DOK6: variants seen among roughly 807,000 people sequenced by gnomAD.
DOK6 encodes docking protein 6, also known as downstream of tyrosine kinase 6.
DOK6 carries 22 observed loss-of-function variants against 44.0 expected under a neutral mutation model. That is an observed-to-expected ratio of 0.50 (90% CI 0.36 to 0.71). The LOEUF (loss-of-function observed/expected upper bound fraction) is 0.71, where lower values mean the gene tolerates loss of function less well. Among genes scored for constraint, DOK6 ranks in the 30% least tolerant of loss-of-function variants. The probability of loss-of-function intolerance (pLI) is 0.00; values close to 1 mark genes in which losing one functional copy is unlikely to be tolerated. For missense variants in DOK6, 340 were observed against 416.4 expected (o/e 0.82, Z 1.60); for synonymous variants, 166 against 145.5 (o/e 1.14, Z -1.01).
At chr18:69,470,751 G>A (rs565541654) in intron 1 of DOK6, among the ~76,000 whole-genome samples, 89 of 152,268 alleles carry the variant, frequency 5.8e-4, no homozygotes, top group African/African-American at 2.1e-3. Flanking sequence ...AGAAAGTTGT[G>A]TGGAAAAGAT....
chr18:69,575,644 T>C (rs1468033992), intron 2 of DOK6, among the ~76,000 whole-genome samples: 1 of 152,028 alleles, frequency 6.6e-6, no homozygotes, highest in Non-Finnish European at 1.5e-5. Context: ...CTTAAATGAG[T>C]AGCTGTTAGT....
At chr18:69,774,334 A>G (rs1210931430) in intron 7 of DOK6, among the ~76,000 whole-genome samples, 2 of 151,166 alleles carry the variant, frequency 1.3e-5, no homozygotes, top group African/African-American at 2.4e-5. Flanking sequence ...GAATGACACA[A>G]TGGACTTTGG....
chr18:69,535,130 G>A (rs1982086313), intron 1 of DOK6, among the ~76,000 whole-genome samples: 2 of 152,034 alleles, frequency 1.3e-5, no homozygotes, highest in African/African-American at 4.8e-5. Flanking sequence ...GGTTAAAATT[G>A]CATTTATAGA....
rs73970239 is a variant in DOK6, at chr18:69,721,020, T to C, written c.600-17945T>C. 3.8e-3 allele frequency among the ~76,000 whole-genome samples: 574 copies of C among 152,338 alleles called. 2 individuals carry two copies. The highest frequency in any genetic ancestry group is 0.013 in the African/African-American group (525 of 41,586). ...GACTTTATCATTTTTATTATTAATG[T>C]TGTTTGTGTTCACTAACATAAAGCT... On this transcript the variant is annotated intron_variant, in intron 5 of 7. Coordinates refer to ENST00000382713, the MANE Select transcript of DOK6 (RefSeq NM_152721.6).
intron 1 of DOK6, among the ~76,000 whole-genome samples, chr18:69,495,538 G>T (rs1207911354): frequency 6.6e-6 from 1 of 152,138 alleles, no homozygotes; most frequent in East Asian, 1.9e-4. Context: ...GCTTCTATAG[G>T]CATTCAAAGG....
chr18:69,563,750 A>G (rs9962000), intron 1 of DOK6, among the ~76,000 whole-genome samples: 3,317 of 152,004 alleles, frequency 0.022, 100 homozygotes, highest in African/African-American at 0.069. Context: ...ATGTATACAT[A>G]TGTAACAAAC....
intron 1 of DOK6, among the ~76,000 whole-genome samples, chr18:69,505,491 CTTTTTTTTTTTTTTT>C: frequency 1.1e-5 from 1 of 88,560 alleles, no homozygotes; most frequent in African/African-American, 4.5e-5. Flanking sequence ...TACTCCCATT[CTTTTTTTTTTTTTTT>C]TTTTTTTTTG....
At chr18:69,801,169 A>G (rs1221043771) in intron 7 of DOK6, among the ~76,000 whole-genome samples, 1 of 151,912 alleles carries the variant, frequency 6.6e-6, no homozygotes, top group Non-Finnish European at 1.5e-5. Context: ...CTACTTTTTA[A>G]TCAGCCTTTT....
intron 1 of DOK6, among the ~76,000 whole-genome samples, chr18:69,551,623 G>T (rs1051487935): frequency 1.3e-5 from 2 of 151,982 alleles, no homozygotes; most frequent in Non-Finnish European, 2.9e-5. Flanking sequence ...CAATAAAAAA[G>T]GTAAAACACA....
intron 1 of DOK6, among the ~76,000 whole-genome samples, chr18:69,443,074 G>A (rs568988805): frequency 3.3e-5 from 5 of 152,058 alleles, no homozygotes; most frequent in African/African-American, 9.6e-5. Flanking sequence ...ATACGAATAC[G>A]CCTGTTTACC....
intron 6 of DOK6, among the ~76,000 whole-genome samples, chr18:69,740,974 G>A (rs1049882715): frequency 6.6e-6 from 1 of 152,142 alleles, no homozygotes; most frequent in African/African-American, 2.4e-5. Flanking sequence ...TATGTTTCTC[G>A]TGTCCTGTGC....
chr18:69,473,270 A>C (rs1003224119), intron 1 of DOK6, among the ~76,000 whole-genome samples: 47 of 152,212 alleles, frequency 3.1e-4, no homozygotes, highest in African/African-American at 9.2e-4. Context: ...CCAATGAATA[A>C]TTTTTGAAAA....
chr18:69,476,561 G>T (rs1163218456), intron 1 of DOK6, among the ~76,000 whole-genome samples: 2 of 151,598 alleles, frequency 1.3e-5, no homozygotes, highest in African/African-American at 2.4e-5. Flanking sequence ...TTAATAGACA[G>T]GTTAGGGAAA....
At chr18:69,839,514 G>A (rs1219950807) in intron 7 of DOK6, among the ~76,000 whole-genome samples, 1 of 152,080 alleles carries the variant, frequency 6.6e-6, no homozygotes, top group Non-Finnish European at 1.5e-5. Context: ...CCCCTCCTCT[G>A]CCCTGCTTCA....
At chr18:69,837,698 G>A (rs1982093123) in intron 7 of DOK6, among the ~76,000 whole-genome samples, 1 of 151,936 alleles carries the variant, frequency 6.6e-6, no homozygotes. Context: ...AAATACCTTG[G>A]GAAACTATAT....
chr18:69,826,531 A>G (rs1208786801), intron 7 of DOK6, among the ~76,000 whole-genome samples: 12 of 152,184 alleles, frequency 7.9e-5, no homozygotes, highest in Admixed American at 7.9e-4. Context: ...GGGTTGCTAA[A>G]CCCACCTAGA....
At chr18:69,628,091 T>TAAA (rs1347289509) in intron 3 of DOK6, among the ~76,000 whole-genome samples, 1 of 152,238 alleles carries the variant, frequency 6.6e-6, no homozygotes, top group Non-Finnish European at 1.5e-5. Context: ...AAAATTTGAA[T>TAAA]AAATTTGTTT....
chr18:69,812,995 C>T (rs952506694), intron 7 of DOK6, among the ~76,000 whole-genome samples: 10 of 152,036 alleles, frequency 6.6e-5, no homozygotes, highest in African/African-American at 2.2e-4. Flanking sequence ...ACCATATGAA[C>T]GTGACACATA....
chr18:69,490,466 G>A (rs1980704904), intron 1 of DOK6, among the ~76,000 whole-genome samples: 1 of 152,160 alleles, frequency 6.6e-6, no homozygotes, highest in African/African-American at 2.4e-5. Context: ...AATGTTTCAA[G>A]TTAAGAAGGG....
Sources: allele counts gnomAD v4.1 joint callset (sites outside exome capture counted in the v4.1 genomes callset), GRCh38; gene constraint gnomAD v4.1.1; transcripts MANE v1.5; gene names NCBI Gene and HGNC (gene_info 2026-07-23, HGNC 2026-07-21).